KLHL2: variants seen among roughly 807,000 people sequenced by gnomAD.
The protein encoded by KLHL2 is kelch-like protein 2.
Under a neutral mutation model 75.8 loss-of-function variants are expected in KLHL2, and 15 were observed. That is an observed-to-expected ratio of 0.20 (90% CI 0.13 to 0.30). The LOEUF (loss-of-function observed/expected upper bound fraction) is 0.30, where lower values mean the gene tolerates loss of function less well. KLHL2 is among the 10% of genes least tolerant of loss of function. The probability of loss-of-function intolerance (pLI) is 1.00; values close to 1 mark genes in which losing one functional copy is unlikely to be tolerated. For missense variants in KLHL2, 381 were observed against 741.0 expected (o/e 0.51, Z 5.64); for synonymous variants, 214 against 251.9 (o/e 0.85, Z 1.42).
At chr4:165,257,389 C>CCACTAGG (rs1445914971) in intron 4 of KLHL2, among the ~76,000 whole-genome samples, 2 of 152,242 alleles carry the variant, frequency 1.3e-5, no homozygotes, top group Middle Eastern at 3.2e-3. Flanking sequence ...GATGCATTCT[C>CCACTAGG]CACTAGTCAA....
intron 4 of KLHL2, among the ~76,000 whole-genome samples, chr4:165,244,492 G>C (rs1364940180): frequency 6.6e-6 from 1 of 152,190 alleles, no homozygotes; most frequent in African/African-American, 2.4e-5. Flanking sequence ...TTTCTATATT[G>C]TGTGGGTAAA....
rs1387768383 is a variant in KLHL2, at chr4:165,298,947, T to TC, written c.772-552dup. On this transcript the variant is annotated intron_variant, in intron 7 of 14. Coordinates refer to ENST00000226725, the MANE Select transcript of KLHL2 (RefSeq NM_007246.4). ...TCTGTTCCCTTCCCCCCGCCCCCCC[T>TC]CCCCCCCCAGAAAAAAGAAAACGAA... Among the ~76,000 whole-genome samples the TC allele has an allele frequency of 4.1e-3, 246 of 60,508 alleles. 1 individual carries two copies. The highest frequency in any genetic ancestry group is 9.8e-3 in the African/African-American group (166 of 16,862). 39.7% of individuals were successfully genotyped at this position (60,508 alleles called of 152,430 possible).
At chr4:165,318,590 G>A (rs533240362) in intron 14 of KLHL2, among the ~76,000 whole-genome samples, 6 of 152,268 alleles carry the variant, frequency 3.9e-5, no homozygotes, top group Admixed American at 3.9e-4. Flanking sequence ...TGTTGCTTAT[G>A]TATCATTCAA....
At chr4:165,242,774 G>A (rs1335697748) in intron 4 of KLHL2, among the ~76,000 whole-genome samples, 1 of 152,130 alleles carries the variant, frequency 6.6e-6, no homozygotes, top group Non-Finnish European at 1.5e-5. Flanking sequence ...TGGGATTATA[G>A]GCATGAGCTA....
chr4:165,294,320 T>C, intron 5 of KLHL2, 39 bp from the exon 6 acceptor site: 2 of 1,122,166 alleles, frequency 1.8e-6, no homozygotes, highest in Non-Finnish European at 2.7e-6. Flanking sequence ...GATAATGGAA[T>C]GTTGATGTTA....
intron 4 of KLHL2, among the ~76,000 whole-genome samples, 198 bp downstream of exon 4, chr4:165,239,097 C>G (rs144721256): frequency 3.9e-4 from 60 of 152,208 alleles, no homozygotes; most frequent in African/African-American, 1.4e-3. Flanking sequence ...TCCTTAAGAT[C>G]TGAGATACAA....
chr4:165,227,325 T>C lies in KLHL2; in HGVS notation c.153-1482T>C, dbSNP rs538836962. Among the ~76,000 whole-genome samples, 8 of 152,300 alleles carry C rather than the reference T, an allele frequency of 5.3e-5. No individual in the cohort carries two copies. The South Asian group carries it at 1.7e-3, about 32-fold the overall frequency. ...TCACTGATGCTGGGGTACTCTTTTTTTCTTCCATTTCTCCTAAACTGGAAG... is the reference window on the plus strand; with the variant it reads ...TCACTGATGCTGGGGTACTCTTTTTCTCTTCCATTTCTCCTAAACTGGAAG... On this transcript the variant is annotated intron_variant, in intron 2 of 14. Transcript: ENST00000226725.
intron 5 of KLHL2, chr4:165,279,145 G>A (rs1177396581): frequency 3.7e-6 from 6 of 1,602,198 alleles, no homozygotes; most frequent in East Asian, 2.2e-5. Flanking sequence ...TTTCTTCAAC[G>A]GCCTTTTGAA....
At chr4:165,291,958 A>G (rs1744547928) in intron 5 of KLHL2, among the ~76,000 whole-genome samples, 2 of 152,138 alleles carry the variant, frequency 1.3e-5, no homozygotes, top group South Asian at 4.2e-4. Flanking sequence ...GCCTCTCAAC[A>G]TGGTGGGATT....
At chr4:165,286,850 G>A (rs574324414) in intron 5 of KLHL2, among the ~76,000 whole-genome samples, 36 of 152,288 alleles carry the variant, frequency 2.4e-4, no homozygotes, top group African/African-American at 7.9e-4. Flanking sequence ...TCAAGACAGT[G>A]ACATGCATTG....
chr4:165,286,785 G>A (rs56326646), intron 5 of KLHL2, among the ~76,000 whole-genome samples: 37,548 of 152,126 alleles, frequency 0.25, 5,284 homozygotes, highest in Middle Eastern at 0.34. Context: ...CAAACATAGG[G>A]ATGTTAACCC....
chr4:165,208,743 CCTCTT>C (rs1353062525), intron 1 of KLHL2, among the ~76,000 whole-genome samples: 1 of 151,776 alleles, frequency 6.6e-6, no homozygotes, highest in African/African-American at 2.4e-5. Context: ...ATTTTGGTTC[CCTCTT>C]CTCTTAGGAA....
intron 13 of KLHL2, 148 bp from the exon 14 acceptor site, chr4:165,317,678 A>G: frequency 3.1e-6 from 2 of 648,494 alleles, no homozygotes; most frequent in East Asian, 2.8e-5. Context: ...CTAATATAAA[A>G]CGAATTCTTT....
At chr4:165,218,839 T>C (rs1279025832) in intron 1 of KLHL2, among the ~76,000 whole-genome samples, 1 of 152,242 alleles carries the variant, frequency 6.6e-6, no homozygotes, top group Non-Finnish European at 1.5e-5. Context: ...GCTTGTTCTT[T>C]GATATATATA....
intron 1 of KLHL2, chr4:165,219,602 A>C (rs1242542631): frequency 1.0e-5 from 9 of 865,054 alleles, no homozygotes; most frequent in Non-Finnish European, 1.3e-5. Context: ...GAAGTTTGTA[A>C]AAGCAAGTTA....
rs1292293383 is a variant in KLHL2, at chr4:165,220,075, T to C, written c.152+16T>C. 5.0e-6 allele frequency: 8 copies of C among 1,593,482 alleles called. No homozygotes were observed. The highest frequency in any genetic ancestry group is 1.4e-5 in the African/African-American group (1 of 73,830). On this transcript the variant is annotated intron_variant, in intron 2 of 14. Coordinates refer to ENST00000226725, the MANE Select transcript of KLHL2 (RefSeq NM_007246.4). ...AATTAAGAAGGTATCATTATACTAATGTACATGCAACCATTGGTTTCGTCC... is the reference window on the plus strand; with the variant it reads ...AATTAAGAAGGTATCATTATACTAACGTACATGCAACCATTGGTTTCGTCC...
At chr4:165,223,032 T>C (rs923154181) in intron 2 of KLHL2, among the ~76,000 whole-genome samples, 1 of 152,276 alleles carries the variant, frequency 6.6e-6, no homozygotes, top group Non-Finnish European at 1.5e-5. Flanking sequence ...AGAATTAAAA[T>C]TGTTTGATAG....
chr4:165,240,774 C>A (rs1422885897), intron 4 of KLHL2, among the ~76,000 whole-genome samples: 2 of 152,114 alleles, frequency 1.3e-5, no homozygotes, highest in Non-Finnish European at 1.5e-5. Context: ...TTACTGATTT[C>A]TTTGATTCAC....
At position 165,314,173 on chromosome 4, in the gene KLHL2, G is replaced by A. The variant is rs1486160257; in HGVS notation, c.1609+7G>A. The A allele has an allele frequency of 1.9e-6, 3 of 1,610,716 alleles. No homozygotes were observed. Among genetic ancestry groups the A allele is most frequent in the Non-Finnish European group, 2.5e-6 (3 of 1,178,442 alleles). ...ATGTGCAGAAGAAATGCAGGTATCTGTCAGTTTAAGGTTATAAAACTTATG... is the reference window on the plus strand; with the variant it reads ...ATGTGCAGAAGAAATGCAGGTATCTATCAGTTTAAGGTTATAAAACTTATG... On this transcript the variant is annotated splice_region_variant and intron_variant, in intron 13 of 14. Coordinates refer to ENST00000226725, the MANE Select transcript of KLHL2 (RefSeq NM_007246.4).
Sources: gnomAD v4.1 joint callset for allele counts (sites outside exome capture counted in the v4.1 genomes callset) on GRCh38, gnomAD v4.1.1 for gene constraint, MANE v1.5 for transcripts, NCBI Gene and HGNC (gene_info 2026-07-23, HGNC 2026-07-21) for gene names.